GPR173: variants seen among roughly 807,000 people sequenced by gnomAD.
GPR173 encodes the protein probable G protein-coupled receptor 173.
Under a neutral mutation model 13.9 loss-of-function variants are expected in GPR173, and 2 were observed. The ratio of observed to expected loss-of-function variants is 0.14; its 90% CI spans 0.06 to 0.45. The LOEUF (loss-of-function observed/expected upper bound fraction) is 0.45. Ranked by LOEUF, GPR173 falls within the 20% of genes least tolerant of loss-of-function variation. GPR173 has a pLI of 0.98. For missense variants in GPR173, 202 were observed against 340.5 expected (o/e 0.59, Z 3.20); for synonymous variants, 131 against 141.0 (o/e 0.93, Z 0.50).
At chrX:53,074,786 A>G (rs1462044312) in intron 1 of GPR173, among the ~76,000 whole-genome samples, 1 of 96,529 alleles carries the variant, frequency 1.0e-5, no homozygotes. Context: ...AAATTTTTAT[A>G]TTATAAAATT....
intron 1 of GPR173, among the ~76,000 whole-genome samples, chrX:53,071,903 T>C (rs782732468): frequency 6.5e-4 from 72 of 111,184 alleles, no homozygotes; most frequent in Non-Finnish European, 1.2e-3. Flanking sequence ...GCGTTCCTCA[T>C]GCAAGAGCGG....
chrX:53,060,957 C>A (rs1556803732), intron 1 of GPR173, among the ~76,000 whole-genome samples: 1 of 103,665 alleles, frequency 9.6e-6, no homozygotes, highest in Admixed American at 1.0e-4. Context: ...AGGATGGTGA[C>A]ATTTTTACTC....
chrX:53,075,241 C>G (rs1359951196), intron 1 of GPR173, among the ~76,000 whole-genome samples: 1 of 107,139 alleles, frequency 9.3e-6, no homozygotes, highest in Non-Finnish European at 1.9e-5. Context: ...CCCGAGATAT[C>G]CGCATGACTC....
At chrX:53,072,627 C>T (rs1454303370) in intron 1 of GPR173, among the ~76,000 whole-genome samples, 1 of 110,882 alleles carries the variant, frequency 9.0e-6, no homozygotes, top group Admixed American at 9.8e-5. Flanking sequence ...CTCTCTCCTT[C>T]TCTCTCTCTG....
chrX:53,072,984 A>C (rs1402253296), intron 1 of GPR173, among the ~76,000 whole-genome samples: 1 of 111,334 alleles, frequency 9.0e-6, no homozygotes, highest in Non-Finnish European at 1.9e-5. Flanking sequence ...ACAATTTGGG[A>C]GGCCAAGGCG....
Position 53,060,306 on chromosome X carries a change from G to T in GPR173, c.-98+10822G>T, listed in dbSNP as rs1045854980. Among the ~76,000 whole-genome samples the T allele has an allele frequency of 6.4e-5, 7 of 109,797 alleles. No homozygotes were observed. In the East Asian group the frequency reaches 1.1e-3, roughly 18 times the overall value. ...TTAATTAAAAAAATGACGGCCGGTC[G>T]CAGTGGCTCATGCCTGTAATCCTAG... On this transcript the variant is annotated intron_variant, in intron 1 of 1. Coordinates refer to ENST00000332582, the MANE Select transcript of GPR173 (RefSeq NM_018969.6).
chrX:53,076,486 CTCTGTG>C (rs1932433463), intron 1 of GPR173, 33 bp from the exon 2 acceptor site: 1 of 451,851 alleles, frequency 2.2e-6, no homozygotes, highest in Non-Finnish European at 3.7e-6. Context: ...CTCTCTGTCT[CTCTGTG>C]TCTGTGTCTC....
In GPR173 at chrX:53,065,413, G is replaced by C. The variant is rs1296479021; in HGVS notation, c.-97-11112G>C. On this transcript the variant is annotated intron_variant, in intron 1 of 1. Transcript: ENST00000332582. ...CATTTTGGTTTCTCAGAAGCATCAGGTGCAGTTACTAGTGTTGAGTATGGC... is the reference window on the plus strand; with the variant it reads ...CATTTTGGTTTCTCAGAAGCATCAGCTGCAGTTACTAGTGTTGAGTATGGC... The C allele has an allele frequency of 8.0e-5, 9 of 112,141 alleles. No individual in the cohort carries two copies. In the Admixed American group the frequency reaches 8.5e-4, roughly 11 times the overall value. The allele number at this position is 112,141 out of a possible 1,213,427, so 9.2% of individuals were successfully genotyped here.
chrX:53,066,264 C>A (rs1333921112), intron 1 of GPR173, among the ~76,000 whole-genome samples: 4 of 111,857 alleles, frequency 3.6e-5, no homozygotes, highest in Non-Finnish European at 7.5e-5. Flanking sequence ...ACCAAGTAAA[C>A]ATCACCCAGG....
chrX:53,055,481 C>A (rs1368625096), intron 1 of GPR173, among the ~76,000 whole-genome samples: 1 of 109,792 alleles, frequency 9.1e-6, no homozygotes, highest in African/African-American at 3.3e-5. Context: ...TTGGTTGTAT[C>A]TGGGTGGAGA....
rs1053822531 is a variant in GPR173 at position 53,078,720 on chromosome X, A to T, written c.*977A>T. 1 of 122,640 alleles carries T rather than the reference A, an allele frequency of 8.2e-6. No homozygotes were observed. Among genetic ancestry groups the T allele is most frequent in the East Asian group, 2.8e-4 (1 of 3,541 alleles). The allele number at this position is 122,640 out of a possible 1,213,427, so 10.1% of individuals were successfully genotyped here. On this transcript the variant is annotated 3_prime_UTR_variant, in exon 2 of 2. Coordinates refer to ENST00000332582, the MANE Select transcript of GPR173 (RefSeq NM_018969.6). The stretch of plus-strand genomic sequence containing the variant: ...TCCCCAGAGTAGCTGGACCACAGAG[A>T]CTTGGGTCAGAGCTGATTTCAACCC...
At chrX:53,064,723 AAG>A (rs1458109749) in intron 1 of GPR173, among the ~76,000 whole-genome samples, 3 of 111,494 alleles carry the variant, frequency 2.7e-5, no homozygotes, top group Non-Finnish European at 5.7e-5. Context: ...GCACGTGACA[AAG>A]AGAGAAGGGA....
chrX:53,052,788 G>C (rs67450314), intron 1 of GPR173, among the ~76,000 whole-genome samples: 34,484 of 110,590 alleles, frequency 0.31, 5,392 homozygotes, highest in African/African-American at 0.62. Context: ...AGAACACAAT[G>C]TAAGGTAACG....
At chrX:53,050,918 C>T (rs1203510700) in intron 1 of GPR173, among the ~76,000 whole-genome samples, 3 of 111,887 alleles carry the variant, frequency 2.7e-5, no homozygotes, top group Non-Finnish European at 5.6e-5. Flanking sequence ...CCTGTTTGTG[C>T]GCACACACAC....
At chrX:53,055,311 T>C (rs1556803105) in intron 1 of GPR173, among the ~76,000 whole-genome samples, 2 of 109,400 alleles carry the variant, frequency 1.8e-5, no homozygotes, top group African/African-American at 6.7e-5. Flanking sequence ...AGAAAGTGTG[T>C]AGGTACGTTT....
chrX:53,057,417 CAA>C (rs202011753), intron 1 of GPR173, among the ~76,000 whole-genome samples: 4 of 51,412 alleles, frequency 7.8e-5, no homozygotes, highest in Non-Finnish European at 7.4e-5. Flanking sequence ...AACTCCATCT[CAA>C]AAAAAAAAAA....
chrX:53,074,051 TATATTTATAAATATATAAATATACATG>T (rs1932339191), intron 1 of GPR173, among the ~76,000 whole-genome samples: 1 of 43,599 alleles, frequency 2.3e-5, no homozygotes, highest in Non-Finnish European at 3.3e-5. Flanking sequence ...AATATAAATA[TATATTTATAAATATATAAATATACATG>T]TATATTTATT....
intron 1 of GPR173, among the ~76,000 whole-genome samples, chrX:53,074,449 T>A (rs1361850622): frequency 6.1e-5 from 1 of 16,315 alleles, no homozygotes; most frequent in Admixed American, 1.5e-3. Flanking sequence ...TATATTTATT[T>A]ATAAATAACT....
rs1244821039 is a variant in GPR173, at chrX:53,077,788, G to A, written c.*45G>A. 1.5e-5 allele frequency: 16 copies of A among 1,056,341 alleles called. No individual in the cohort carries two copies. The Middle Eastern group carries it at 7.7e-4, about 51-fold the overall frequency. The allele number at this position is 1,056,341 out of a possible 1,213,427, so 87.1% of individuals were successfully genotyped here. A position where few individuals can be genotyped will look rare whatever the true frequency, so the allele number is the denominator to read the frequency against. On this transcript the variant is annotated 3_prime_UTR_variant, in exon 2 of 2. Coordinates refer to ENST00000332582, the MANE Select transcript of GPR173 (RefSeq NM_018969.6). ...AGGCAGAGAGAAGGTCATGGCCACC[G>A]TGATGGGGCCAACAGCAAGGGAGGG... is the stretch of plus-strand genomic sequence containing the variant.
Sources: gnomAD v4.1 joint callset for allele counts (sites outside exome capture counted in the v4.1 genomes callset) on GRCh38, gnomAD v4.1.1 for gene constraint, MANE v1.5 for transcripts, NCBI Gene and HGNC (gene_info 2026-07-23, HGNC 2026-07-21) for gene names.